C14orf132: variants seen among roughly 807,000 people sequenced by gnomAD.
The protein encoded by C14orf132 is chromosome 14 open reading frame 132, also known as uncharacterized protein C14orf132.
A neutral mutation model predicts 5.8 loss-of-function variants in C14orf132; 6 were observed. The observed-to-expected ratio is 1.03, with a 90% CI of 0.57 to 2.04. The LOEUF is 2.04. Ranked by LOEUF, C14orf132 falls within the 30% of genes most tolerant of loss-of-function variation. C14orf132 has a pLI of 0.00. For synonymous variants in C14orf132, 51 were observed against 49.8 expected (o/e 1.02, Z -0.10); for missense variants, 125 against 115.8 (o/e 1.08, Z -0.37).
At chr14:96,081,114 G>A (rs1002134923) in intron 1 of C14orf132, among the ~76,000 whole-genome samples, 1 of 152,136 alleles carries the variant, frequency 6.6e-6, no homozygotes, top group African/African-American at 2.4e-5. Flanking sequence ...AGGCAGCCAC[G>A]ATCATGAATC....
chr14:96,065,525 C>G (rs1407536684), intron 1 of C14orf132, among the ~76,000 whole-genome samples: 1 of 152,108 alleles, frequency 6.6e-6, no homozygotes, highest in African/African-American at 2.4e-5. Flanking sequence ...CTCAGTTTCA[C>G]TTTTATTCCT....
Position 96,080,280 on chromosome 14 carries a change from C to A in C14orf132, c.28-6231C>A, listed in dbSNP as rs1887990867. Among the ~76,000 whole-genome samples, 4 of 152,310 alleles carry A rather than the reference C, an allele frequency of 2.6e-5. No homozygotes were observed. The South Asian group carries it at 8.3e-4, about 32-fold the overall frequency. On this transcript the variant is annotated intron_variant, in intron 1 of 1. Transcript: ENST00000555004. ...AGATCTCAGGTCTCCAGGCCCAGAGCAGTGTGGGAGCAGCACAGCCCACTG... is the reference window on the plus strand; with the variant it reads ...AGATCTCAGGTCTCCAGGCCCAGAGAAGTGTGGGAGCAGCACAGCCCACTG...
At chr14:96,084,451 G>A (rs1365016315) in intron 1 of C14orf132, among the ~76,000 whole-genome samples, 2 of 152,190 alleles carry the variant, frequency 1.3e-5, no homozygotes, top group East Asian at 1.9e-4. Context: ...CAAAGGCACC[G>A]ATGATGTCGC....
intron 1 of C14orf132, among the ~76,000 whole-genome samples, chr14:96,073,344 G>C (rs28832710): frequency 2.0e-5 from 3 of 151,988 alleles, no homozygotes; most frequent in African/African-American, 7.3e-5. Flanking sequence ...AAACTGGGTT[G>C]TTTTCCAGCC....
intron 1 of C14orf132, among the ~76,000 whole-genome samples, chr14:96,074,535 G>A (rs1434863316): frequency 7.7e-6 from 1 of 130,402 alleles, no homozygotes; most frequent in African/African-American, 2.8e-5. Flanking sequence ...TGAGTTTTTT[G>A]TATAAGGCAT....
intron 1 of C14orf132, among the ~76,000 whole-genome samples, chr14:96,081,826 G>A (rs1031441212): frequency 2.6e-5 from 4 of 152,066 alleles, no homozygotes; most frequent in African/African-American, 9.7e-5. Context: ...TCTTGAACTC[G>A]TAGCCTCAAG....
chr14:96,067,770 G>T (rs1291176968), intron 1 of C14orf132, among the ~76,000 whole-genome samples: 1 of 151,968 alleles, frequency 6.6e-6, no homozygotes, highest in African/African-American at 2.4e-5. Flanking sequence ...CACTTGGAGT[G>T]CTGTAGGCGT....
chr14:96,071,169 G>A (rs761019760), intron 1 of C14orf132, among the ~76,000 whole-genome samples: 1 of 152,146 alleles, frequency 6.6e-6, no homozygotes, highest in Non-Finnish European at 1.5e-5. Flanking sequence ...AAGCAAACAC[G>A]TTTTTCTTCA....
intron 1 of C14orf132, among the ~76,000 whole-genome samples, chr14:96,068,115 G>C (rs1236394183): frequency 6.6e-6 from 1 of 152,208 alleles, no homozygotes; most frequent in Non-Finnish European, 1.5e-5. Flanking sequence ...TAGTCAAGGA[G>C]AGTGGCAAGT....
In C14orf132 at chr14:96,088,060, T is replaced by G. The variant is rs1457249537; in HGVS notation, c.*1325T>G. On this transcript the variant is annotated 3_prime_UTR_variant, in exon 2 of 2. Coordinates refer to ENST00000555004, the MANE Select transcript of C14orf132 (RefSeq NM_001252507.3). Reference sequence around the variant, plus strand: ...AGGCCCAGAGAGGCTTTCTCCTCACTTTATACACTGCAAAAACAGAAGAAT... The same window carrying G: ...AGGCCCAGAGAGGCTTTCTCCTCACGTTATACACTGCAAAAACAGAAGAAT... 1 of 148,582 alleles carries G rather than the reference T, an allele frequency of 6.7e-6. No individual in the cohort carries two copies. The highest frequency in any genetic ancestry group is 2.1e-4 in the East Asian group (1 of 4,862). The allele number at this position is 148,582 out of a possible 1,614,324, so 9.2% of individuals were successfully genotyped here. A position where few individuals can be genotyped will look rare whatever the true frequency, so the allele number is the denominator to read the frequency against.
chr14:96,070,032 C>T (rs1887657990), intron 1 of C14orf132, among the ~76,000 whole-genome samples: 1 of 152,310 alleles, frequency 6.6e-6, no homozygotes, highest in Admixed American at 6.5e-5. Context: ...TCGGAGAGCC[C>T]TGCCCCAGGA....
intron 1 of C14orf132, among the ~76,000 whole-genome samples, chr14:96,079,970 GATATGTGGGATATACTTATGCTA>G (rs1187209272): frequency 3.3e-5 from 5 of 152,220 alleles, no homozygotes; most frequent in South Asian, 2.1e-4. Context: ...TAGGCTGTGT[GATATGTGGGATATACTTATGCTA>G]ATATGTGGGA....
intron 1 of C14orf132, among the ~76,000 whole-genome samples, chr14:96,049,591 C>CATATAT (rs1176128221): frequency 5.8e-5 from 7 of 120,030 alleles, no homozygotes; most frequent in Non-Finnish European, 1.2e-4. Flanking sequence ...TATATATATA[C>CATATAT]ATATATACGT....
At chr14:96,058,364 T>C (rs914928230) in intron 1 of C14orf132, among the ~76,000 whole-genome samples, 2 of 152,078 alleles carry the variant, frequency 1.3e-5, no homozygotes, top group African/African-American at 4.8e-5. Flanking sequence ...CCCTCTTCCC[T>C]AACTCCCACC....
chr14:96,055,621 G>A (rs1299236123), intron 1 of C14orf132, among the ~76,000 whole-genome samples: 1 of 152,148 alleles, frequency 6.6e-6, no homozygotes, highest in Non-Finnish European at 1.5e-5. Flanking sequence ...GAACCTCTCT[G>A]ATCCTCCGTT....
At position 96,088,830 on chromosome 14, in the gene C14orf132, A is replaced by T. The variant is rs967287142; in HGVS notation, c.*2095A>T. The T allele has an allele frequency of 6.6e-6, 1 of 152,290 alleles. No individual in the cohort carries two copies. The highest frequency in any genetic ancestry group is 2.1e-4 in the South Asian group (1 of 4,830). The allele number at this position is 152,290 out of a possible 1,614,324, so 9.4% of individuals were successfully genotyped here. ...TGCGGTGAAGGGAGGAGAAGGCAGG[A>T]GGAAAAAGGATGGCTTCTAGCCCTG... is the stretch of plus-strand genomic sequence containing the variant. On this transcript the variant is annotated 3_prime_UTR_variant, in exon 2 of 2. Transcript: ENST00000555004.
At chr14:96,046,910 A>G (rs1251403702) in intron 1 of C14orf132, among the ~76,000 whole-genome samples, 3 of 152,216 alleles carry the variant, frequency 2.0e-5, no homozygotes, top group Admixed American at 2.0e-4. Context: ...TGTCTTAGCT[A>G]TGGGGAAGGG....
chr14:96,073,113 G>A (rs1036696967), intron 1 of C14orf132, among the ~76,000 whole-genome samples: 11 of 151,918 alleles, frequency 7.2e-5, no homozygotes, highest in African/African-American at 2.7e-4. Flanking sequence ...AAGAGTTCTG[G>A]TTGCTCCAAT....
chr14:96,090,436 C>A lies in C14orf132; in HGVS notation c.*3701C>A. 1 of 303,880 alleles carries A rather than the reference C, an allele frequency of 3.3e-6. No homozygotes were observed. The highest frequency in any genetic ancestry group is 6.4e-6 in the Non-Finnish European group (1 of 155,160). 18.8% of individuals were successfully genotyped at this position (303,880 alleles called of 1,614,324 possible). ...GAAAAAAAAAAAGAGCAACTTACTG[C>A]TTTGTGAGGTTGTGAGTGGCCACCA... On this transcript the variant is annotated 3_prime_UTR_variant, in exon 2 of 2. Transcript: ENST00000555004.
Sources: gnomAD v4.1 joint callset for allele counts (sites outside exome capture counted in the v4.1 genomes callset) on GRCh38, gnomAD v4.1.1 for gene constraint, MANE v1.5 for transcripts, NCBI Gene and HGNC (gene_info 2026-07-23, HGNC 2026-07-21) for gene names.